Variants in HIPK1 observed in about 807,000 individuals in gnomAD.
HIPK1 encodes the protein homeodomain interacting protein kinase 1.
HIPK1 carries 28 observed loss-of-function variants against 117.1 expected under a neutral mutation model. The ratio of observed to expected loss-of-function variants is 0.24; its 90% CI spans 0.18 to 0.33. HIPK1 has a LOEUF of 0.33. HIPK1 is among the 10% of genes least tolerant of loss of function. The pLI, the probability that HIPK1 is intolerant of heterozygous loss-of-function variation, is 1.00. For synonymous variants in HIPK1, 605 were observed against 562.5 expected (o/e 1.08, Z -1.07); for missense variants, 1,122 against 1,475.1 (o/e 0.76, Z 3.92).
rs778481152 is a variant in HIPK1, at chr1:113,966,174, T to G, written c.2283T>G (p.Thr761=). 5.0e-6 allele frequency: 8 copies of G among 1,614,120 alleles called. No individual in the cohort carries two copies. Among genetic ancestry groups the G allele is most frequent in the East Asian group, 4.5e-5 (2 of 44,880 alleles). The change falls in exon 11 of 16, where the codon ACT becomes ACG. Residue 761 remains threonine, a synonymous_variant. Coordinates refer to ENST00000426820, the MANE Select transcript of HIPK1 (RefSeq NM_198268.3). Reference sequence around the variant, plus strand: ...CTCAGCAAATTCTCCTGCCTTCAACTTGGCAACAGTTGCCTGGGGTAGCTC... The same window carrying G: ...CTCAGCAAATTCTCCTGCCTTCAACGTGGCAACAGTTGCCTGGGGTAGCTC... ...GGTQQILLPS[T]WQQLPGVALH... is the part of the protein sequence containing the mutation.
chr1:113,948,304 T>C (rs570233585), intron 2 of HIPK1, among the ~76,000 whole-genome samples: 12 of 152,248 alleles, frequency 7.9e-5, no homozygotes, highest in African/African-American at 2.9e-4. Flanking sequence ...CAGGCTGGAG[T>C]GCAGTGGCGC....
In HIPK1 at chr1:113,963,450, T is replaced by C; in HGVS notation, c.2167T>C (p.Tyr723His). ...HPQVATITPQ[Y>H]AVPFTLSCAA... is the part of the protein sequence containing the mutation. Reference sequence around the variant, plus strand: ...TCAAGTAGCCACCATCACACCGCAGTATGCGGTGCCCTTTACTCTGAGCTG... The same window carrying C: ...TCAAGTAGCCACCATCACACCGCAGCATGCGGTGCCCTTTACTCTGAGCTG... The change falls in exon 10 of 16, where the codon TAT (tyrosine) becomes CAT (histidine). Residue 723 changes from tyrosine to histidine, a missense_variant. Physicochemically the swap from Tyr to His is moderately conservative, Grantham distance 83 (BLOSUM62 2). Around this residue, in one of 6 missense-constraint regions of HIPK1, gnomAD observed 731 missense variants for 860.4 expected, o/e 0.85. Coordinates refer to ENST00000426820, the MANE Select transcript of HIPK1 (RefSeq NM_198268.3). The C allele has an allele frequency of 2.5e-6, 4 of 1,613,970 alleles. No homozygotes were observed. Among genetic ancestry groups the C allele is most frequent in the Non-Finnish European group, 3.4e-6 (4 of 1,179,804 alleles).
At chr1:113,963,607 TTTTTTCTGGTTTA>T (rs529157240) in intron 10 of HIPK1, 86 bp downstream of exon 10, 205 of 1,500,496 alleles carry the variant, frequency 1.4e-4, no homozygotes, top group Non-Finnish European at 1.8e-4. Flanking sequence ...TTTGTTCTGT[TTTTTTCTGGTTTA>T]TTTTTCAAAA....
Position 113,976,912 on chromosome 1 carries a change from T to C in HIPK1, c.*3400T>C, listed in dbSNP as rs1009482221. 1 of 152,786 alleles carries C rather than the reference T, an allele frequency of 6.5e-6. No individual in the cohort carries two copies. Among genetic ancestry groups the C allele is most frequent in the Non-Finnish European group, 1.5e-5 (1 of 68,044 alleles). 9.5% of individuals were successfully genotyped at this position (152,786 alleles called of 1,614,324 possible). ...GTTCAGTGTAGCCACTCTGGGCTCA[T>C]AGGGACACTTGGTCACTCCAGAGTT... On this transcript the variant is annotated 3_prime_UTR_variant, in exon 16 of 16. Transcript: ENST00000426820.
rs766709481 is a variant in HIPK1, at chr1:113,952,813, T to G, written c.1124T>G (p.Met375Arg). 1.3e-6 allele frequency: 2 copies of G among 1,532,524 alleles called. No individual in the cohort carries two copies. The highest frequency in any genetic ancestry group is 1.8e-6 in the Non-Finnish European group (2 of 1,135,940). 94.9% of individuals were successfully genotyped at this position (1,532,524 alleles called of 1,614,324 possible). Residue 375 changes from methionine to arginine, a missense_variant, in exon 3 of 16, where the codon ATG becomes AGG. Transcript: ENST00000426820. Reference sequence around the variant, plus strand: ...TTACCATTTTGTGAAGCTATTGATATGTGGTCACTGGGCTGTGTGATAGCT... The same window carrying G: ...TTACCATTTTGTGAAGCTATTGATAGGTGGTCACTGGGCTGTGTGATAGCT... ...LGLPFCEAID[M>R]WSLGCVIAEL...
chr1:113,968,494 C>T lies in HIPK1; in HGVS notation c.2617C>T (p.Pro873Ser). ...SQVYSLVGSS[P>S]LRTTSSYNSL... ...AGTCTATTCTCTGGTTGGGAGCAGT[C>T]CCCTCCGCACCACATCTTCTTATAA... Residue 873 changes from proline to serine, a missense_variant, in exon 13 of 16, where the codon CCC becomes TCC. Physicochemically the swap from Pro to Ser is moderately conservative, Grantham distance 74. Around this residue, in one of 6 missense-constraint regions of HIPK1, gnomAD observed 731 missense variants for 860.4 expected, o/e 0.85. Transcript: ENST00000426820. 6.2e-7 allele frequency: 1 copy of T among 1,614,094 alleles called. No homozygotes were observed. Among genetic ancestry groups the T allele is most frequent in the Non-Finnish European group, 8.5e-7 (1 of 1,179,936 alleles).
intron 2 of HIPK1, among the ~76,000 whole-genome samples, chr1:113,947,596 T>C (rs1365160152): frequency 2.6e-5 from 4 of 152,166 alleles, no homozygotes; most frequent in Non-Finnish European, 4.4e-5. Context: ...GTGATTTGTG[T>C]TAAGTGATCC....
At chr1:113,942,911 C>T (rs866298752) in intron 2 of HIPK1, among the ~76,000 whole-genome samples, 10 of 151,944 alleles carry the variant, frequency 6.6e-5, no homozygotes, top group African/African-American at 2.4e-4. Flanking sequence ...ACATAGATAA[C>T]CTATAAAATA....
intron 5 of HIPK1, 47 bp downstream of exon 5, chr1:113,955,696 A>G (rs1439625089): frequency 2.0e-6 from 2 of 1,003,830 alleles, no homozygotes; most frequent in African/African-American, 1.6e-5. Flanking sequence ...TTTTAATCAG[A>G]GACACTTCTG....
Position 113,968,563 on chromosome 1 carries a change from C to G in HIPK1, c.2686C>G (p.Pro896Ala). ...AGATCAGCATCAGCCCATCATCATTCCAGATACTCCCAGCCCTCCTGTGAG... is the reference window on the plus strand; with the variant it reads ...AGATCAGCATCAGCCCATCATCATTGCAGATACTCCCAGCCCTCCTGTGAG... ...VQDQHQPIII[P>A]DTPSPPVSVI... The change falls in exon 13 of 16, where the codon CCA (proline) becomes GCA (alanine). Residue 896 changes from proline to alanine, a missense_variant. Physicochemically the swap from Pro to Ala is conservative, Grantham distance 27. Coordinates refer to ENST00000426820, the MANE Select transcript of HIPK1 (RefSeq NM_198268.3). The G allele has an allele frequency of 6.2e-7, 1 of 1,614,062 alleles. No individual in the cohort carries two copies. Among genetic ancestry groups the G allele is most frequent in the Non-Finnish European group, 8.5e-7 (1 of 1,179,906 alleles).
At chr1:113,970,409 C>G (rs1415032506) in intron 14 of HIPK1, among the ~76,000 whole-genome samples, 4 of 152,160 alleles carry the variant, frequency 2.6e-5, no homozygotes, top group Non-Finnish European at 5.9e-5. Flanking sequence ...GATTAATATA[C>G]AAATGAGATT....
At chr1:113,943,286 A>T (rs1205469464) in intron 2 of HIPK1, among the ~76,000 whole-genome samples, 1 of 152,088 alleles carries the variant, frequency 6.6e-6, no homozygotes, top group African/African-American at 2.4e-5. Context: ...ATAACTCCCT[A>T]TTCTCTCTTC....
At position 113,968,641 on chromosome 1, in the gene HIPK1, C is replaced by T. The variant is rs1340262926; in HGVS notation, c.2764C>T (p.Pro922Ser). The T allele has an allele frequency of 3.1e-6, 5 of 1,611,674 alleles. No homozygotes were observed. In the South Asian group the frequency reaches 4.4e-5, roughly 14 times the overall value. ...TGAGGAAGAGGACAACAAATACAAGCCCAGTAGGTAAGATAAGTGAATGGT... is the reference window on the plus strand; with the variant it reads ...TGAGGAAGAGGACAACAAATACAAGTCCAGTAGGTAAGATAAGTGAATGGT... ...TDEEEDNKYK[P>S]SSSGLKPRSN... Residue 922 changes from proline (P) to serine (S), a missense_variant, in exon 13 of 16, where the codon CCC becomes TCC. Coordinates refer to ENST00000426820, the MANE Select transcript of HIPK1 (RefSeq NM_198268.3).
At chr1:113,937,365 G>A (rs1186297218) in intron 1 of HIPK1, among the ~76,000 whole-genome samples, 1 of 151,786 alleles carries the variant, frequency 6.6e-6, no homozygotes, top group Non-Finnish European at 1.5e-5. Context: ...TTCTTGTTGT[G>A]TTTATTCTTT....
At position 113,977,005 on chromosome 1, in the gene HIPK1, ACTC is replaced by A. The variant is rs1673170853; in HGVS notation, c.*3495_*3497del. The A allele has an allele frequency of 6.6e-6, 1 of 152,458 alleles. No individual in the cohort carries two copies. Among genetic ancestry groups the A allele is most frequent in the Non-Finnish European group, 1.5e-5 (1 of 67,974 alleles). 9.4% of individuals were successfully genotyped at this position (152,458 alleles called of 1,614,324 possible). On this transcript the variant is annotated 3_prime_UTR_variant, in exon 16 of 16. Transcript: ENST00000426820. ...TGAAATACCAACCCCAGGAATAAGA[ACTC>A]CATTTCAAACAGTTCTGGCCATTCT...
Position 113,957,259 on chromosome 1 carries a change from C to T in HIPK1, c.1728C>T (p.Ser576=), listed in dbSNP as rs753482067. Residue 576 remains serine, a synonymous_variant, in exon 7 of 16, where the codon AGC becomes AGT. Coordinates refer to ENST00000426820, the MANE Select transcript of HIPK1 (RefSeq NM_198268.3). ...GCACAAATCTAACCATGAGCTTCAG[C>T]AATCAGCTCAATACAGTGCACAATC... ...NTSTNLTMSF[S]NQLNTVHNQA... is the part of the protein sequence containing the mutation. The T allele has an allele frequency of 5.4e-5, 87 of 1,613,650 alleles. No individual in the cohort carries two copies. Among genetic ancestry groups the T allele is most frequent in the Non-Finnish European group, 6.8e-5 (80 of 1,179,716 alleles).
chr1:113,947,075 C>T (rs1671034523), intron 2 of HIPK1, among the ~76,000 whole-genome samples: 1 of 152,156 alleles, frequency 6.6e-6, no homozygotes, highest in African/African-American at 2.4e-5. Flanking sequence ...CTTCTCTTAC[C>T]CACCTTTTTA....
Position 113,973,419 on chromosome 1 carries a change from C to T in HIPK1, c.3540C>T (p.Ala1180=), listed in dbSNP as rs1453122962. The T allele has an allele frequency of 3.1e-6, 5 of 1,614,002 alleles. No individual in the cohort carries two copies. The highest frequency in any genetic ancestry group is 1.1e-5 in the South Asian group (1 of 91,084). The change falls in exon 16 of 16, where the codon GCC becomes GCT. Residue 1180 remains alanine, a synonymous_variant. Transcript: ENST00000426820. ...CTGCTCAGTACCAACACCAGTTTGCCACCCAATCCTACATTGGGTCTTCCC... is the reference window on the plus strand; with the variant it reads ...CTGCTCAGTACCAACACCAGTTTGCTACCCAATCCTACATTGGGTCTTCCC... The part of the protein sequence containing the change: ...VAPAQYQHQF[A]TQSYIGSSRG...
intron 4 of HIPK1, among the ~76,000 whole-genome samples, 173 bp from the exon 5 acceptor site, chr1:113,955,390 T>C (rs958021127): frequency 6.6e-6 from 1 of 152,234 alleles, no homozygotes; most frequent in African/African-American, 2.4e-5. Flanking sequence ...TAGCTAGATA[T>C]CAAGGTCACA....
Sources: allele counts gnomAD v4.1 joint callset (sites outside exome capture counted in the v4.1 genomes callset), GRCh38; gene constraint gnomAD v4.1.1; regional missense constraint gnomAD v4.1.1; transcripts MANE v1.5; gene names NCBI Gene and HGNC (gene_info 2026-07-23, HGNC 2026-07-21).